MAGI2: variants seen among roughly 807,000 people sequenced by gnomAD.
MAGI2 encodes the protein membrane associated guanylate kinase, WW and PDZ domain containing 2, also known as membrane-associated guanylate kinase, WW and PDZ domain-containing protein 2.
Under a neutral mutation model 133.3 loss-of-function variants are expected in MAGI2, and 35 were observed. The observed-to-expected ratio is 0.26, with a 90% CI of 0.20 to 0.35. The LOEUF (loss-of-function observed/expected upper bound fraction) is 0.35, where lower values mean the gene tolerates loss of function less well. Ranked by LOEUF, MAGI2 falls within the 10% of genes least tolerant of loss-of-function variation. The probability of loss-of-function intolerance (pLI) is 1.00; values close to 1 mark genes in which losing one functional copy is unlikely to be tolerated. For missense variants in MAGI2, 1,636 were observed against 1,863.4 expected (o/e 0.88, Z 2.25); for synonymous variants, 729 against 710.6 (o/e 1.03, Z -0.41).
At chr7:78,048,110 T>C (rs1316592829) in intron 21 of MAGI2, among the ~76,000 whole-genome samples, 1 of 152,202 alleles carries the variant, frequency 6.6e-6, no homozygotes, top group Non-Finnish European at 1.5e-5. Context: ...AAAAGCTTTG[T>C]GGATTTGAGG....
intron 3 of MAGI2, chr7:78,618,340 T>C (rs1807332180): frequency 6.6e-6 from 1 of 152,032 alleles, no homozygotes; most frequent in East Asian, 1.9e-4. Context: ...TCAGATCCAG[T>C]GAATATATTA....
chr7:78,389,653 A>T (rs1795721036), intron 6 of MAGI2, among the ~76,000 whole-genome samples: 1 of 152,124 alleles, frequency 6.6e-6, no homozygotes, highest in South Asian at 2.1e-4. Context: ...GCTCTTTAAT[A>T]ATTAATTCAG....
At chr7:78,537,064 T>C (rs1798015610) in intron 3 of MAGI2, among the ~76,000 whole-genome samples, 1 of 152,062 alleles carries the variant, frequency 6.6e-6, no homozygotes, top group South Asian at 2.1e-4. Flanking sequence ...CAATGTTTAG[T>C]TTTCCATTCC....
At chr7:78,996,408 C>T (rs960977783) in intron 2 of MAGI2, among the ~76,000 whole-genome samples, 4 of 152,036 alleles carry the variant, frequency 2.6e-5, no homozygotes, top group African/African-American at 9.7e-5. Context: ...CACACAGGAA[C>T]AGAAAAGCAA....
chr7:78,137,928 TA>T (rs10707279), intron 16 of MAGI2, among the ~76,000 whole-genome samples: 129,599 of 152,130 alleles, frequency 0.85, 55,346 homozygotes, highest in Non-Finnish European at 0.87. Context: ...TGCTAAGTGA[TA>T]ATATATGTGT....
In MAGI2 at chr7:78,439,189, A is replaced by T. The variant is rs201394437; in HGVS notation, c.1045+50572T>A. On this transcript the variant is annotated intron_variant, in intron 6 of 21. Coordinates refer to ENST00000354212, the MANE Select transcript of MAGI2 (RefSeq NM_012301.4). ...GTTTGTGGAATTTTCAGTTCCTTGG[A>T]TGTGCCTTCATAATTTCGGAAGCTG... Among the ~76,000 whole-genome samples, 6 of 152,268 alleles carry T rather than the reference A, an allele frequency of 3.9e-5. No individual in the cohort carries two copies. In the East Asian group the frequency reaches 1.2e-3, roughly 29 times the overall value.
chr7:79,188,463 T>C (rs1181440976), intron 1 of MAGI2, among the ~76,000 whole-genome samples: 1 of 151,902 alleles, frequency 6.6e-6, no homozygotes, highest in African/African-American at 2.4e-5. Flanking sequence ...ATCTCATTCC[T>C]TTTTATGGCT....
At chr7:79,327,887 G>A (rs977060392) in intron 1 of MAGI2, among the ~76,000 whole-genome samples, 3 of 151,970 alleles carry the variant, frequency 2.0e-5, no homozygotes, top group African/African-American at 7.2e-5. Flanking sequence ...TTGAAACAAA[G>A]TTTTGGTTTT....
chr7:79,426,072 G>A (rs925239585), intron 1 of MAGI2, among the ~76,000 whole-genome samples: 4 of 152,160 alleles, frequency 2.6e-5, no homozygotes, highest in Admixed American at 2.0e-4. Context: ...CCCAAACTGA[G>A]AATGTATTCA....
chr7:79,138,658 A>AG (rs1562931838), intron 1 of MAGI2, among the ~76,000 whole-genome samples: 1 of 152,096 alleles, frequency 6.6e-6, no homozygotes, highest in Non-Finnish European at 1.5e-5. Context: ...ATGAGGGTTA[A>AG]ATGATGCCCT....
At chr7:79,145,375 A>G (rs1322167896) in intron 1 of MAGI2, among the ~76,000 whole-genome samples, 2 of 152,206 alleles carry the variant, frequency 1.3e-5, no homozygotes, top group Non-Finnish European at 2.9e-5. Flanking sequence ...TCGATAGAGC[A>G]CAGGAGTCCC....
intron 2 of MAGI2, among the ~76,000 whole-genome samples, chr7:78,688,264 G>T (rs1816591191): frequency 6.6e-6 from 1 of 152,094 alleles, no homozygotes; most frequent in African/African-American, 2.4e-5. Context: ...AGAAGGTCAA[G>T]GTGTCATTTA....
At chr7:78,547,989 A>T (rs17437895) in intron 3 of MAGI2, among the ~76,000 whole-genome samples, 11,550 of 152,188 alleles carry the variant, frequency 0.076, 563 homozygotes, top group Middle Eastern at 0.13. Flanking sequence ...CTAGAATTGG[A>T]TTCTCTCAGA....
At chr7:79,142,097 G>T (rs891336595) in intron 1 of MAGI2, among the ~76,000 whole-genome samples, 5 of 152,050 alleles carry the variant, frequency 3.3e-5, no homozygotes, top group African/African-American at 1.2e-4. Context: ...CACTGAGTGA[G>T]GTTATACATG....
intron 1 of MAGI2, among the ~76,000 whole-genome samples, chr7:79,141,520 A>G (rs1215031627): frequency 1.3e-5 from 2 of 152,196 alleles, no homozygotes; most frequent in East Asian, 3.9e-4. Context: ...TTCTAAAAAT[A>G]ATGATGCACA....
intron 5 of MAGI2, among the ~76,000 whole-genome samples, chr7:78,493,867 A>G (rs1793848049): frequency 6.6e-6 from 1 of 152,206 alleles, no homozygotes; most frequent in African/African-American, 2.4e-5. Flanking sequence ...CCATGTGCAT[A>G]GAGACAAAAG....
In MAGI2 at chr7:78,079,414, A is replaced by G. The variant is rs12665955; in HGVS notation, c.3568-329T>C. Reference sequence around the variant, plus strand: ...GGAATATATCTGATACAAAAATTCAAAATAACCTGGCATCTTTGCTTTGAA... The same window carrying G: ...GGAATATATCTGATACAAAAATTCAGAATAACCTGGCATCTTTGCTTTGAA... On this transcript the variant is annotated intron_variant, in intron 20 of 21. Transcript: ENST00000354212. Among the ~76,000 whole-genome samples the G allele has an allele frequency of 0.12, 18,992 of 152,266 alleles. 1,379 individuals are homozygous for G. Among genetic ancestry groups the G allele is most frequent in the South Asian group, 0.19 (916 of 4,820 alleles).
intron 2 of MAGI2, among the ~76,000 whole-genome samples, chr7:78,891,496 C>A (rs1340416142): frequency 6.6e-6 from 1 of 152,100 alleles, no homozygotes; most frequent in East Asian, 1.9e-4. Context: ...ACTGGCAAAC[C>A]AAATCCAGCA....
intron 3 of MAGI2, among the ~76,000 whole-genome samples, chr7:78,593,520 C>A (rs978372573): frequency 2.6e-5 from 4 of 152,138 alleles, no homozygotes; most frequent in African/African-American, 9.7e-5. Flanking sequence ...CAGGGAGAAC[C>A]TACATGGGAA....
Sources: gnomAD v4.1 joint callset for allele counts (sites outside exome capture counted in the v4.1 genomes callset) on GRCh38, gnomAD v4.1.1 for gene constraint, MANE v1.5 for transcripts, NCBI Gene and HGNC (gene_info 2026-07-23, HGNC 2026-07-21) for gene names.